SELENOH: variants seen among roughly 807,000 people sequenced by gnomAD.
SELENOH encodes chromosome 11 open reading frame 31.
SELENOH carries 13 observed loss-of-function variants against 11.9 expected under a neutral mutation model. The observed-to-expected ratio is 1.09, with a 90% CI of 0.71 to 1.74. The LOEUF is 1.74. SELENOH is among the 40% of genes most tolerant of loss of function. SELENOH has a pLI of 0.00. For synonymous variants in SELENOH, 96 were observed against 73.5 expected (o/e 1.31, Z -1.56); for missense variants, 223 against 170.3 (o/e 1.31, Z -1.72).
At position 57,742,264 on chromosome 11, in the gene SELENOH, G is replaced by C. The variant is rs746572071; in HGVS notation, c.*30+17G>C. ...CATGCTGAGGTTTGAAATGGGAAGT[G>C]GGGGGCGCGACCGCTGTTGAGGAAG... On this transcript the variant is annotated intron_variant, in intron 3 of 3. Transcript: ENST00000534355. The C allele has an allele frequency of 1.3e-5, 20 of 1,518,224 alleles. No individual in the cohort carries two copies. Among genetic ancestry groups the C allele is most frequent in the Admixed American group, 3.8e-5 (2 of 52,204 alleles). 94.0% of individuals were successfully genotyped at this position (1,518,224 alleles called of 1,614,324 possible). A position where few individuals can be genotyped will look rare whatever the true frequency, so the allele number is the denominator to read the frequency against.
Position 57,741,912 on chromosome 11 carries a change from A to G in SELENOH, c.226A>G (p.Arg76Gly). 1 of 1,594,222 alleles carries G rather than the reference A, an allele frequency of 6.3e-7. No homozygotes were observed. The highest frequency in any genetic ancestry group is 1.1e-5 in the South Asian group (1 of 88,000). ...PVKVNPTKPR[R>G]GSFEVTLLRP... is the part of the protein sequence containing the mutation. ...AAAGGTGAACCCGACGAAGCCCCGGAGGGGCAGCTTCGAGGTGACGCTGCT... is the reference window on the plus strand; with the variant it reads ...AAAGGTGAACCCGACGAAGCCCCGGGGGGGCAGCTTCGAGGTGACGCTGCT... The change falls in exon 2 of 4, where the codon AGG becomes GGG. Residue 76 changes from arginine to glycine, a missense_variant. Arg to Gly is a moderately radical substitution (Grantham distance 125). Coordinates refer to ENST00000534355, the MANE Select transcript of SELENOH (RefSeq NM_170746.4).
At chr11:57,742,002 C>A (rs1246573246) in intron 2 of SELENOH, 48 bp downstream of exon 2, 1 of 1,580,392 alleles carries the variant, frequency 6.3e-7, no homozygotes, top group Non-Finnish European at 8.6e-7. Flanking sequence ...GTGAAAGGGA[C>A]GTGGGTTCCG....
In SELENOH at chr11:57,742,245, G is replaced by C. The variant is rs750138667; in HGVS notation, c.*28G>C. 1 of 1,575,422 alleles carries C rather than the reference G, an allele frequency of 6.3e-7. No homozygotes were observed. Among genetic ancestry groups the C allele is most frequent in the East Asian group, 2.3e-5 (1 of 43,756 alleles). ...AGATTTGGGTAGAAGCCCTCATGCT[G>C]AGGTTTGAAATGGGAAGTGGGGGGC... On this transcript the variant is annotated splice_region_variant and 3_prime_UTR_variant, in exon 3 of 4. Transcript: ENST00000534355.
intron 3 of SELENOH, 150 bp downstream of exon 3, chr11:57,742,397 A>G (rs1420314848): frequency 3.3e-6 from 2 of 611,000 alleles, no homozygotes; most frequent in East Asian, 2.8e-5. Context: ...TGGCCAACAC[A>G]GGGAGACCCT....
Position 57,742,211 on chromosome 11 carries a change from G to A in SELENOH, c.363G>A (p.Leu121=). The A allele has an allele frequency of 6.2e-7, 1 of 1,607,924 alleles. No homozygotes were observed. The highest frequency in any genetic ancestry group is 8.5e-7 in the Non-Finnish European group (1 of 1,177,094). ...QEVVEELKKY[L]S is the part of the protein sequence containing the mutation. ...TGGTGGAAGAGTTGAAGAAGTACCT[G>A]TCGTAGGGAGATTTGGGTAGAAGCC... Residue 121 remains leucine, a synonymous_variant, in exon 3 of 4, where the codon CTG becomes CTA. Coordinates refer to ENST00000534355, the MANE Select transcript of SELENOH (RefSeq NM_170746.4).
chr11:57,741,551 C>T lies in SELENOH; in HGVS notation c.-45C>T. 8.0e-7 allele frequency: 1 copy of T among 1,243,604 alleles called. No individual in the cohort carries two copies. Among genetic ancestry groups the T allele is most frequent in the Non-Finnish European group, 1.0e-6 (1 of 987,330 alleles). 77.0% of individuals were successfully genotyped at this position (1,243,604 alleles called of 1,614,324 possible). On this transcript the variant is annotated 5_prime_UTR_variant, in exon 1 of 4. Coordinates refer to ENST00000534355, the MANE Select transcript of SELENOH (RefSeq NM_170746.4). ...CCGCTCAGTGGTCGCGTCTCCGCCC[C>T]CCACCCACCAGTCCCGCTGCATTCT...
In SELENOH at chr11:57,741,605, C is replaced by T. The variant is rs750669116; in HGVS notation, c.10C>T (p.Arg4Cys). The T allele has an allele frequency of 3.1e-6, 4 of 1,272,896 alleles. No homozygotes were observed. Among genetic ancestry groups the T allele is most frequent in the East Asian group, 6.0e-5 (2 of 33,210 alleles). 78.9% of individuals were successfully genotyped at this position (1,272,896 alleles called of 1,614,324 possible). A position where few individuals can be genotyped will look rare whatever the true frequency, so the allele number is the denominator to read the frequency against. ...CCGGGCTCTAGGCGCCATGGCTCCC[C>T]GCGGGAGGAAGCGTAAGGCTGAGGC... is the stretch of plus-strand genomic sequence containing the variant. MAP[R>C]GRKRKAEAAV... The change falls in exon 1 of 4, where the codon CGC becomes TGC. Residue 4 changes from arginine to cysteine, a missense_variant. Arg to Cys is a radical substitution (Grantham distance 180). Transcript: ENST00000534355.
chr11:57,742,235 C>T lies in SELENOH; in HGVS notation c.*18C>T. ...TGTCGTAGGGAGATTTGGGTAGAAG[C>T]CCTCATGCTGAGGTTTGAAATGGGA... is the stretch of plus-strand genomic sequence containing the variant. On this transcript the variant is annotated 3_prime_UTR_variant, in exon 3 of 4. Coordinates refer to ENST00000534355, the MANE Select transcript of SELENOH (RefSeq NM_170746.4). 2 of 1,587,700 alleles carry T rather than the reference C, an allele frequency of 1.3e-6. No individual in the cohort carries two copies. The highest frequency in any genetic ancestry group is 1.8e-5 in the Admixed American group (1 of 56,418).
rs747062765 is a variant in SELENOH at position 57,741,947 on chromosome 11, C to T, written c.261C>T (p.Asp87=). ...TCGAGGTGACGCTGCTGCGCCCGGA[C>T]GGCAGCAGTAAGTGGGGACCTGGAT... ...GSFEVTLLRP[D]GSSAELWTGI... Residue 87 remains aspartate (D), a synonymous_variant, in exon 2 of 4, where the codon GAC becomes GAT. Transcript: ENST00000534355. The T allele has an allele frequency of 2.5e-6, 4 of 1,587,332 alleles. No homozygotes were observed. In the South Asian group the frequency reaches 3.4e-5, roughly 14 times the overall value.
Position 57,741,527 on chromosome 11 carries a change from C to T in SELENOH, c.-69C>T, listed in dbSNP as rs930138401. 52 of 1,215,472 alleles carry T rather than the reference C, an allele frequency of 4.3e-5. No individual in the cohort carries two copies. The highest frequency in any genetic ancestry group is 1.9e-4 in the East Asian group (6 of 31,154). 75.3% of individuals were successfully genotyped at this position (1,215,472 alleles called of 1,614,324 possible). ...GCTGCGCTCTTCGTTGCCCAGTTTC[C>T]GCTCAGTGGTCGCGTCTCCGCCCCC... On this transcript the variant is annotated 5_prime_UTR_variant, in exon 1 of 4. Coordinates refer to ENST00000534355, the MANE Select transcript of SELENOH (RefSeq NM_170746.4).
rs868133397 is a variant in SELENOH, at chr11:57,741,828, G to T, written c.142G>T (p.Gly48Trp). 1.2e-6 allele frequency: 2 copies of T among 1,606,370 alleles called. No homozygotes were observed. Among genetic ancestry groups the T allele is most frequent in the Admixed American group, 1.7e-5 (1 of 58,908 alleles). Reference sequence around the variant, plus strand: ...CCCTAGCACTAGCTGACGCGTCTATGGGCGCAACGCCGCGGCCCTGAGCCA... The same window carrying T: ...CCCTAGCACTAGCTGACGCGTCTATTGGCGCAACGCCGCGGCCCTGAGCCA... ...IEHCTSURVY[G>W]RNAAALSQAL... Residue 48 changes from glycine to tryptophan, a missense_variant, in exon 2 of 4, where the codon GGG becomes TGG. By Grantham distance (184) the Gly-to-Trp change is radical (BLOSUM62 -2). Coordinates refer to ENST00000534355, the MANE Select transcript of SELENOH (RefSeq NM_170746.4).
intron 3 of SELENOH, chr11:57,742,508 TG>T (rs1949113143): frequency 2.5e-6 from 1 of 403,904 alleles, no homozygotes; most frequent in South Asian, 2.9e-5. Flanking sequence ...TGACTTGCCC[TG>T]GGGGTATGGA....
At position 57,742,162 on chromosome 11, in the gene SELENOH, TC is replaced by T. The variant is rs985258442; in HGVS notation, c.315del (p.Lys106AsnfsTer?). On this transcript the variant is annotated frameshift_variant, in exon 3 of 4. Coordinates refer to ENST00000534355, the MANE Select transcript of SELENOH (RefSeq NM_170746.4). LOFTEE classifies it high-confidence loss of function. Reference sequence around the variant, plus strand: ...ATTAAGAAGGGGCCCCCACGCAAACTCAAATTCCCTGAGCCTCAAGAGGTGG... The same window carrying T: ...ATTAAGAAGGGGCCCCCACGCAAACTAAATTCCCTGAGCCTCAAGAGGTGG... ...TGIKKGPPRK[L>X]KFPEPQEVVE... 6.2e-7 allele frequency: 1 copy of T among 1,612,160 alleles called. No individual in the cohort carries two copies. The highest frequency in any genetic ancestry group is 1.7e-5 in the Admixed American group (1 of 59,712).
In SELENOH at chr11:57,741,670, G is replaced by A. The variant is rs1180034443; in HGVS notation, c.75G>A (p.Ala25=). The A allele has an allele frequency of 4.1e-6, 6 of 1,460,622 alleles. No individual in the cohort carries two copies. The highest frequency in any genetic ancestry group is 1.4e-5 in the South Asian group (1 of 70,640). 90.5% of individuals were successfully genotyped at this position (1,460,622 alleles called of 1,614,324 possible). The part of the protein sequence containing the change: ...VAVAEKREKL[A]NGGEGMEEAT... ...TAGCCGAGAAGCGAGAGAAGCTGGC[G>A]AACGGCGGGGAGGGAATGGAGGAGG... is the stretch of plus-strand genomic sequence containing the variant. The change falls in exon 1 of 4, where the codon GCG becomes GCA. Residue 25 remains alanine (A), a synonymous_variant. Transcript: ENST00000534355.
chr11:57,742,029 T>C, intron 2 of SELENOH, 75 bp downstream of exon 2: 1 of 1,583,556 alleles, frequency 6.3e-7, no homozygotes, highest in South Asian at 1.1e-5. Context: ...GGAAGCGCTA[T>C]TCTTAGAAAC....
Position 57,741,809 on chromosome 11 carries a change from C to T in SELENOH, c.123C>T (p.Cys41=). Residue 41 remains cysteine (C), a splice_region_variant and synonymous_variant, in exon 2 of 4, where the codon TGC becomes TGT. Transcript: ENST00000534355. Reference sequence around the variant, plus strand: ...TTCTAACCTCTCCGTCTCTCCCTAGCACTAGCTGACGCGTCTATGGGCGCA... The same window carrying T: ...TTCTAACCTCTCCGTCTCTCCCTAGTACTAGCTGACGCGTCTATGGGCGCA... ...MEEATVVIEH[C]TSURVYGRNA... 11 of 1,605,424 alleles carry T rather than the reference C, an allele frequency of 6.9e-6. No individual in the cohort carries two copies. Among genetic ancestry groups the T allele is most frequent in the Non-Finnish European group, 9.4e-6 (11 of 1,176,238 alleles).
chr11:57,742,031 C>T (rs1435456434), intron 2 of SELENOH, 77 bp downstream of exon 2: 1 of 1,582,610 alleles, frequency 6.3e-7, no homozygotes. Flanking sequence ...AAGCGCTATT[C>T]TTAGAAACCA....
chr11:57,742,591 C>G (rs1414916300), intron 3 of SELENOH: 3 of 261,740 alleles, frequency 1.1e-5, no homozygotes, highest in Non-Finnish European at 2.2e-5. Flanking sequence ...CTGTTTGGTT[C>G]TTGGGTGTTC....
At position 57,741,797 on chromosome 11, in the gene SELENOH, GTC is replaced by G. The variant is rs1045583815; in HGVS notation, c.123-7_123-6del. ...AGGGGCCCCGGTTTCTAACCTCTCC[GTC>G]TCTCCCTAGCACTAGCTGACGCGTC... On this transcript the variant is annotated splice_polypyrimidine_tract_variant and intron_variant, in intron 1 of 3. Coordinates refer to ENST00000534355, the MANE Select transcript of SELENOH (RefSeq NM_170746.4). The G allele has an allele frequency of 7.5e-6, 12 of 1,604,326 alleles. No homozygotes were observed. Among genetic ancestry groups the G allele is most frequent in the Admixed American group, 3.4e-5 (2 of 58,606 alleles).
Sources: gnomAD v4.1 joint callset for allele counts on GRCh38, gnomAD v4.1.1 for gene constraint, MANE v1.5 for transcripts, NCBI Gene and HGNC (gene_info 2026-07-23, HGNC 2026-07-21) for gene names.